RPSA2: variants seen among roughly 807,000 people sequenced by gnomAD.
RPSA2 encodes the protein ribosomal protein SA 2.
chr19:23,772,646 G>A, the RPSA2 span, among the ~76,000 whole-genome samples: 1 of 152,090 alleles, frequency 6.6e-6, no homozygotes, highest in Non-Finnish European at 1.5e-5. Flanking sequence ...CAGCACAAAA[G>A]TGAGCTTGTT....
chr19:23,832,520 T>C, the RPSA2 span: 59 of 634,300 alleles, frequency 9.3e-5, no homozygotes, highest in Non-Finnish European at 3.3e-5. Context: ...CCTTACTATA[T>C]ATAAGATAAT....
At chr19:23,842,532 GTTT>G in the RPSA2 span, 36 of 130,264 alleles carry the variant, frequency 2.8e-4, no homozygotes, top group Admixed American at 3.4e-4. Flanking sequence ...AAATATGTGT[GTTT>G]TTTTTTTTTT....
chr19:23,845,295 A>G, the RPSA2 span, among the ~76,000 whole-genome samples: 3 of 141,602 alleles, frequency 2.1e-5, no homozygotes, highest in African/African-American at 7.8e-5. Flanking sequence ...TCTTCTTCTA[A>G]CTTGGAATTT....
the RPSA2 span, among the ~76,000 whole-genome samples, chr19:23,821,515 C>T: frequency 1.3e-5 from 2 of 152,208 alleles, no homozygotes; most frequent in African/African-American, 4.8e-5. Context: ...TCCCCCACTT[C>T]TAATGTGACC....
the RPSA2 span, chr19:23,807,698 T>C: frequency 4.7e-6 from 1 of 213,324 alleles, no homozygotes; most frequent in Admixed American, 5.9e-5. Context: ...AATTATTTTA[T>C]TGGATAATTT....
At chr19:23,810,216 AC>A in the RPSA2 span, among the ~76,000 whole-genome samples, 144 of 151,850 alleles carry the variant, frequency 9.5e-4, 1 homozygote, top group Non-Finnish European at 2.0e-3. Context: ...ACTCGGTGAA[AC>A]CCCGTCTCTA....
chr19:23,829,016 CCTT>C, the RPSA2 span, among the ~76,000 whole-genome samples: 1 of 151,370 alleles, frequency 6.6e-6, no homozygotes, highest in South Asian at 2.1e-4. Flanking sequence ...TTTTTGATGT[CCTT>C]CTTTGTTTCT....
the RPSA2 span, among the ~76,000 whole-genome samples, chr19:23,829,110 C>G: frequency 1.3e-5 from 2 of 152,084 alleles, no homozygotes; most frequent in African/African-American, 2.4e-5. Context: ...ATTATTTTGA[C>G]TCTTTCTGCT....
At chr19:23,866,165 G>A in the RPSA2 span, among the ~76,000 whole-genome samples, 1 of 152,168 alleles carries the variant, frequency 6.6e-6, no homozygotes, top group Admixed American at 6.5e-5. Flanking sequence ...CACCAAGCAT[G>A]TTTGGAGCAC....
the RPSA2 span, among the ~76,000 whole-genome samples, chr19:23,792,591 G>GT: frequency 0.97 from 139,921 of 144,274 alleles, 67,944 homozygotes; most frequent in East Asian, 1. Context: ...TTTTGTTTTT[G>GT]TTTTTTTTTT....
chr19:23,800,809 T>C, the RPSA2 span, among the ~76,000 whole-genome samples: 1 of 151,992 alleles, frequency 6.6e-6, no homozygotes. Flanking sequence ...GACAGGGTTT[T>C]TCCATATTGG....
the RPSA2 span, among the ~76,000 whole-genome samples, chr19:23,841,852 T>C: frequency 1.3e-5 from 2 of 152,200 alleles, no homozygotes; most frequent in East Asian, 3.9e-4. Flanking sequence ...ACTCCAAACT[T>C]ACTGAGTCAG....
chr19:23,863,577 A>G, the RPSA2 span, among the ~76,000 whole-genome samples: 10 of 151,990 alleles, frequency 6.6e-5, no homozygotes, highest in African/African-American at 9.7e-5. Context: ...AAAAAAAAAA[A>G]AAAAAAAGGC....
At chr19:23,859,486 G>A in the RPSA2 span, among the ~76,000 whole-genome samples, 1 of 152,114 alleles carries the variant, frequency 6.6e-6, no homozygotes, top group East Asian at 1.9e-4. Context: ...AAATTAGCCA[G>A]CGTGGTGGCA....
chr19:23,856,524 T>G, the RPSA2 span, among the ~76,000 whole-genome samples: 3 of 152,226 alleles, frequency 2.0e-5, no homozygotes, highest in Admixed American at 2.0e-4. Context: ...GCCGAACAAG[T>G]GTTTCTGTGG....
the RPSA2 span, among the ~76,000 whole-genome samples, chr19:23,833,815 G>A: frequency 6.6e-6 from 1 of 151,972 alleles, no homozygotes; most frequent in Non-Finnish European, 1.5e-5. Context: ...AATATAAATA[G>A]GGTTGTAATA....
At chr19:23,758,773 C>A in the RPSA2 span, 58 of 1,614,170 alleles carry the variant, frequency 3.6e-5, 1 homozygote, top group Admixed American at 9.2e-4. Context: ...GGGGACCTGG[C>A]GTCTTAGCTA....
chr19:23,828,936 GACACACACACACACAC>G, the RPSA2 span, among the ~76,000 whole-genome samples: 1 of 148,278 alleles, frequency 6.7e-6, no homozygotes, highest in Admixed American at 6.7e-5. Context: ...CCTAATGTGA[GACACACACACACACAC>G]ACACACACAC....
chr19:23,854,359 AC>A, the RPSA2 span, among the ~76,000 whole-genome samples: 1 of 152,056 alleles, frequency 6.6e-6, no homozygotes, highest in Admixed American at 6.6e-5. Flanking sequence ...CTACTGCTCC[AC>A]CCCCCTACTG....
Sources: gnomAD v4.1 joint callset for allele counts (sites outside exome capture counted in the v4.1 genomes callset) on GRCh38, gnomAD v4.1.1 for gene constraint, MANE v1.5 for transcripts, NCBI Gene and HGNC (gene_info 2026-07-23, HGNC 2026-07-21) for gene names.